RPS6KA2: variants seen among roughly 807,000 people sequenced by gnomAD.
The protein encoded by RPS6KA2 is ribosomal protein S6 kinase A2.
Under a neutral mutation model 91.8 loss-of-function variants are expected in RPS6KA2, and 42 were observed. The observed-to-expected ratio is 0.46, with a 90% confidence interval of 0.36 to 0.59. The LOEUF is 0.59. RPS6KA2 is among the 20% of genes least tolerant of loss of function. The pLI is 0.00. For missense variants in RPS6KA2, 798 were observed against 978.5 expected (o/e 0.82, Z 2.46); for synonymous variants, 414 against 393.6 (o/e 1.05, Z -0.61).
intron 2 of RPS6KA2, among the ~76,000 whole-genome samples, chr6:166,688,456 C>G (rs556153728): frequency 6.6e-6 from 1 of 152,338 alleles, no homozygotes; most frequent in Admixed American, 6.5e-5. Flanking sequence ...GAGCTGGCCA[C>G]GGGTGGCTGG....
At chr6:166,779,086 G>C (rs1454408206) in intron 2 of RPS6KA2, among the ~76,000 whole-genome samples, 1 of 152,210 alleles carries the variant, frequency 6.6e-6, no homozygotes, top group African/African-American at 2.4e-5. Flanking sequence ...AGACAGGTGC[G>C]AGCTTTCTCA....
intron 2 of RPS6KA2, among the ~76,000 whole-genome samples, chr6:166,727,675 A>G (rs1790383243): frequency 6.6e-6 from 1 of 152,090 alleles, no homozygotes; most frequent in Non-Finnish European, 1.5e-5. Flanking sequence ...CTAAAGCACC[A>G]GCACCCTAAG....
intron 2 of RPS6KA2, among the ~76,000 whole-genome samples, chr6:166,787,502 A>G (rs189603729): frequency 2.0e-5 from 3 of 151,938 alleles, no homozygotes; most frequent in East Asian, 1.9e-4. Flanking sequence ...AAATGTTCCA[A>G]AAAAAAAGGT....
chr6:166,639,439 T>C lies in RPS6KA2; in HGVS notation c.124-100655A>G, dbSNP rs987702547. On this transcript the variant is annotated intron_variant, in intron 2 of 21. Transcript: ENST00000503859. This position sits in a 1 kb window ranked among gnomAD's most constrained non-coding sequence, Gnocchi z 4.2. ...AAAATAGTAATTACTGGCTAAAGGCTTTCCCTACAACCCACCTGTGGTCCT... is the reference window on the plus strand; with the variant it reads ...AAAATAGTAATTACTGGCTAAAGGCCTTCCCTACAACCCACCTGTGGTCCT... Among the ~76,000 whole-genome samples the C allele has an allele frequency of 6.6e-6, 1 of 152,216 alleles. No individual in the cohort carries two copies. The highest frequency in any genetic ancestry group is 6.5e-5 in the Admixed American group (1 of 15,280).
chr6:166,768,433 C>T (rs1199797706), intron 2 of RPS6KA2, among the ~76,000 whole-genome samples: 1 of 152,154 alleles, frequency 6.6e-6, no homozygotes, highest in African/African-American at 2.4e-5. Context: ...TTAGTGCCAC[C>T]CACGCTTCTG....
At chr6:166,497,411 T>C (rs1033146611) in intron 8 of RPS6KA2, among the ~76,000 whole-genome samples, 1 of 152,182 alleles carries the variant, frequency 6.6e-6, no homozygotes, top group African/African-American at 2.4e-5. Flanking sequence ...GCCACAAACG[T>C]GATGTGGGCA....
At chr6:166,571,583 A>G (rs1414528270) in intron 1 of RPS6KA2, among the ~76,000 whole-genome samples, 1 of 152,262 alleles carries the variant, frequency 6.6e-6, no homozygotes, top group African/African-American at 2.4e-5. Context: ...AATGAAATGC[A>G]CAGTTACATG....
At chr6:166,727,735 T>C (rs531985097) in intron 2 of RPS6KA2, among the ~76,000 whole-genome samples, 1 of 152,202 alleles carries the variant, frequency 6.6e-6, no homozygotes, top group East Asian at 1.9e-4. Flanking sequence ...CAGCCTAAAC[T>C]ATCAGCAACC....
chr6:166,424,004 A>C (rs1778824681), intron 16 of RPS6KA2: 1 of 152,442 alleles, frequency 6.6e-6, no homozygotes, highest in African/African-American at 2.4e-5. Context: ...AGCACACCTC[A>C]AAGCAAAGCA....
At chr6:166,820,081 A>G (rs1365500858) in intron 2 of RPS6KA2, among the ~76,000 whole-genome samples, 2 of 152,192 alleles carry the variant, frequency 1.3e-5, no homozygotes, top group East Asian at 1.9e-4. Context: ...TTTTCTGTCC[A>G]TGACTGTTTA....
chr6:166,699,265 T>C (rs1454546321), intron 2 of RPS6KA2, among the ~76,000 whole-genome samples: 2 of 152,104 alleles, frequency 1.3e-5, no homozygotes, highest in African/African-American at 2.4e-5. Flanking sequence ...AGCAAATTGC[T>C]TCCACTTGAG....
At position 166,648,175 on chromosome 6, in the gene RPS6KA2, C is replaced by CAT. The variant is rs879377194; in HGVS notation, c.124-109392_124-109391insAT. ...GGTTACACACCCATGCACACATGCT[C>CAT]ACACACATGCACACATGCTCATACA... On this transcript the variant is annotated intron_variant, in intron 2 of 21. Transcript: ENST00000503859. The surrounding 1 kb of genome is among the most constrained non-coding windows in gnomAD (Gnocchi z 4.8). Among the ~76,000 whole-genome samples, 20,850 of 148,102 alleles carry CAT rather than the reference C, an allele frequency of 0.14. 1,458 individuals are homozygous for CAT. The highest frequency in any genetic ancestry group is 0.19 in the East Asian group (958 of 4,948).
At chr6:166,673,506 C>A (rs113751246) in intron 2 of RPS6KA2, among the ~76,000 whole-genome samples, 1 of 152,162 alleles carries the variant, frequency 6.6e-6, no homozygotes, top group Non-Finnish European at 1.5e-5. Context: ...CACAGCCCTA[C>A]GGACTCCCAG....
At chr6:166,590,911 C>T (rs1785335755) in intron 1 of RPS6KA2, among the ~76,000 whole-genome samples, 1 of 152,114 alleles carries the variant, frequency 6.6e-6, no homozygotes, top group Admixed American at 6.5e-5. Context: ...CAGATTAAAA[C>T]CAACCCACAC....
chr6:166,731,756 C>T (rs1460277175), intron 2 of RPS6KA2, among the ~76,000 whole-genome samples: 1 of 152,006 alleles, frequency 6.6e-6, no homozygotes, highest in East Asian at 1.9e-4. Flanking sequence ...CACTTACGCC[C>T]AAACCTGGAT....
rs555319542 is a variant in RPS6KA2, at chr6:166,506,464, G to A, written c.459+1739C>T. Among the ~76,000 whole-genome samples, 6 of 152,328 alleles carry A rather than the reference G, an allele frequency of 3.9e-5. No individual in the cohort carries two copies. The South Asian group carries it at 1.0e-3, about 26-fold the overall frequency. On this transcript the variant is annotated intron_variant, in intron 5 of 20. Transcript: ENST00000265678. The stretch of plus-strand genomic sequence containing the variant: ...GACAAACCAACAGATGATACCACAT[G>A]AGGAATGGGCAGACACCAGGCTCCA...
At chr6:166,785,906 A>G (rs1169964438) in intron 2 of RPS6KA2, among the ~76,000 whole-genome samples, 1 of 152,270 alleles carries the variant, frequency 6.6e-6, no homozygotes, top group East Asian at 1.9e-4. Flanking sequence ...TAGAAGGTCA[A>G]TAATGAAATC....
At chr6:166,613,751 C>T (rs562172592) in intron 1 of RPS6KA2, among the ~76,000 whole-genome samples, 6 of 152,236 alleles carry the variant, frequency 3.9e-5, no homozygotes, top group African/African-American at 1.4e-4. Flanking sequence ...TTAGGGCTTT[C>T]CACGGCCTTC....
Position 166,662,109 on chromosome 6 carries a change from G to A in RPS6KA2, c.124-123325C>T, listed in dbSNP as rs1364145139. Among the ~76,000 whole-genome samples, 1 of 152,180 alleles carries A rather than the reference G, an allele frequency of 6.6e-6. No homozygotes were observed. Among genetic ancestry groups the A allele is most frequent in the Non-Finnish European group, 1.5e-5 (1 of 68,032 alleles). On this transcript the variant is annotated intron_variant, in intron 2 of 21. Transcript: ENST00000503859. This position sits in a 1 kb window ranked among gnomAD's most constrained non-coding sequence, Gnocchi z 4.3. Reference sequence around the variant, plus strand: ...AGATAGGGGTTGTTTATCATATTATGAATATTTCTTAATTTTTACCTACTT... The same window carrying A: ...AGATAGGGGTTGTTTATCATATTATAAATATTTCTTAATTTTTACCTACTT...
Sources: gnomAD v4.1 joint callset for allele counts (sites outside exome capture counted in the v4.1 genomes callset) on GRCh38, gnomAD v4.1.1 for gene constraint, Gnocchi (gnomAD v3.1) non-coding constraint, MANE v1.5 for transcripts, NCBI Gene and HGNC (gene_info 2026-07-23, HGNC 2026-07-21) for gene names.